Variants in NR3C2 observed in about 807,000 individuals in gnomAD.
NR3C2 encodes nuclear receptor subfamily 3 group C member 2.
A neutral mutation model predicts 86.4 loss-of-function variants in NR3C2; 15 were observed. The ratio of observed to expected loss-of-function variants is 0.17; its 90% CI spans 0.12 to 0.27. The LOEUF (loss-of-function observed/expected upper bound fraction) is 0.27. NR3C2 is among the 10% of genes least tolerant of loss of function. NR3C2 has a pLI of 1.00. For synonymous variants in NR3C2, 458 were observed against 450.5 expected (o/e 1.02, Z -0.21); for missense variants, 960 against 1,195.6 (o/e 0.80, Z 2.91).
intron 2 of NR3C2, among the ~76,000 whole-genome samples, chr4:148,323,700 T>G (rs6839999): frequency 3.1e-4 from 47 of 151,964 alleles, no homozygotes; most frequent in African/African-American, 1.1e-3. Flanking sequence ...TGACCCCTTG[T>G]GCTTCCCAAG....
intron 2 of NR3C2, among the ~76,000 whole-genome samples, chr4:148,389,278 A>C (rs1747420640): frequency 6.6e-6 from 1 of 152,044 alleles, no homozygotes; most frequent in Admixed American, 6.6e-5. Flanking sequence ...AAAAAAAGGG[A>C]CTCACTGCAG....
chr4:148,325,174 G>A (rs1743900289), intron 2 of NR3C2, among the ~76,000 whole-genome samples: 1 of 152,004 alleles, frequency 6.6e-6, no homozygotes, highest in African/African-American at 2.4e-5. Context: ...GTGTGGTGTG[G>A]GGAGAGTACA....
chr4:148,267,900 T>C lies in NR3C2; in HGVS notation c.1758-7783A>G, dbSNP rs1330259618. ...TACTTTAAAAAGCTCTTTGCTGCAT[T>C]TCCTTTTGTTTTGAAAGGCTTATAT... is the stretch of plus-strand genomic sequence containing the variant. On this transcript the variant is annotated intron_variant, in intron 2 of 8. Coordinates refer to ENST00000358102, the MANE Select transcript of NR3C2 (RefSeq NM_000901.5). Among the ~76,000 whole-genome samples, 4 of 152,146 alleles carry C rather than the reference T, an allele frequency of 2.6e-5. No homozygotes were observed. In the South Asian group the frequency reaches 8.3e-4, roughly 32 times the overall value.
chr4:148,388,491 C>T (rs567469544), intron 2 of NR3C2, among the ~76,000 whole-genome samples: 2 of 152,264 alleles, frequency 1.3e-5, no homozygotes, highest in South Asian at 2.1e-4. Flanking sequence ...GCCTTAGTCA[C>T]TCTCCTAAGT....
chr4:148,193,309 G>T (rs1042218910), intron 4 of NR3C2, among the ~76,000 whole-genome samples: 1 of 152,208 alleles, frequency 6.6e-6, no homozygotes, highest in Non-Finnish European at 1.5e-5. Context: ...TTCTGCAGTT[G>T]GGGCACTCAC....
chr4:148,105,303 C>G (rs1731743752), intron 8 of NR3C2, among the ~76,000 whole-genome samples: 1 of 152,150 alleles, frequency 6.6e-6, no homozygotes, highest in Admixed American at 6.5e-5. Flanking sequence ...TGGATACATT[C>G]CTGGACACAT....
chr4:148,181,526 T>C (rs1354349801), intron 4 of NR3C2, among the ~76,000 whole-genome samples: 1 of 152,220 alleles, frequency 6.6e-6, no homozygotes, highest in African/African-American at 2.4e-5. Flanking sequence ...TTTAGTGCTA[T>C]GCTTTACATA....
Position 148,435,307 on chromosome 4 carries a change from T to A in NR3C2, c.1554A>T (p.Ser518=). Residue 518 remains serine (S), a synonymous_variant, in exon 2 of 9, where the codon TCA becomes TCT. Coordinates refer to ENST00000358102, the MANE Select transcript of NR3C2 (RefSeq NM_000901.5). ...IPSSAIVGVN[S]GGQSFHYRIG... is the part of the protein sequence containing the mutation. ...TCCTGTAGTGGAAGGACTGTCCACC[T>A]GAATTCACCCCAACAATAGCAGAGG... 3 of 1,614,178 alleles carry A rather than the reference T, an allele frequency of 1.9e-6. No homozygotes were observed. Among genetic ancestry groups the A allele is most frequent in the Non-Finnish European group, 2.5e-6 (3 of 1,180,032 alleles).
At chr4:148,152,379 C>G (rs1435934646) in intron 6 of NR3C2, 90 bp downstream of exon 6, 1 of 1,419,350 alleles carries the variant, frequency 7.0e-7, no homozygotes, top group Non-Finnish European at 9.8e-7. Context: ...GATTCTTTCA[C>G]CAACGTACAT....
At chr4:148,393,895 C>T (rs1183705886) in intron 2 of NR3C2, among the ~76,000 whole-genome samples, 2 of 152,080 alleles carry the variant, frequency 1.3e-5, no homozygotes, top group South Asian at 2.1e-4. Flanking sequence ...TCCATAAAGA[C>T]GAGGGGTCTA....
intron 2 of NR3C2, among the ~76,000 whole-genome samples, chr4:148,415,115 T>C (rs964065416): frequency 1.3e-5 from 2 of 152,188 alleles, no homozygotes; most frequent in Non-Finnish European, 2.9e-5. Context: ...AACTTTGCCT[T>C]ATCTCACTAA....
At chr4:148,161,355 CT>C (rs1180190077) in intron 4 of NR3C2, among the ~76,000 whole-genome samples, 88 of 146,536 alleles carry the variant, frequency 6.0e-4, no homozygotes, top group Non-Finnish European at 7.4e-4. Context: ...ATATATTACA[CT>C]TTTTTTTTTT....
In NR3C2 at chr4:148,247,037, T is replaced by C. The variant is rs530718877; in HGVS notation, c.1897+12941A>G. ...AAATGTAATGTCAGGTCATCTTTGA[T>C]AGTTAAAAAAAGGATAAAGAGAAAA... On this transcript the variant is annotated intron_variant, in intron 3 of 8. Coordinates refer to ENST00000358102, the MANE Select transcript of NR3C2 (RefSeq NM_000901.5). Among the ~76,000 whole-genome samples the C allele has an allele frequency of 6.6e-5, 10 of 152,280 alleles. No individual in the cohort carries two copies. The East Asian group carries it at 1.9e-3, about 29-fold the overall frequency.
chr4:148,087,070 A>G (rs1203994257), intron 8 of NR3C2, among the ~76,000 whole-genome samples: 2 of 152,254 alleles, frequency 1.3e-5, no homozygotes, highest in Non-Finnish European at 2.9e-5. Flanking sequence ...AACTTCAGCA[A>G]AGTCTCAGGA....
intron 6 of NR3C2, among the ~76,000 whole-genome samples, chr4:148,144,451 C>T (rs1443803528): frequency 6.6e-6 from 1 of 152,122 alleles, no homozygotes; most frequent in Non-Finnish European, 1.5e-5. Context: ...CCTCAGCTTC[C>T]CAAAGTGCTG....
chr4:148,208,763 T>C, intron 3 of NR3C2: 1 of 152,242 alleles, frequency 6.6e-6, no homozygotes, highest in East Asian at 1.9e-4. Context: ...ATTCATATCC[T>C]AGGCCTTTCC....
intron 3 of NR3C2, among the ~76,000 whole-genome samples, chr4:148,221,060 G>A (rs72728410): frequency 3.2e-4 from 48 of 152,298 alleles, no homozygotes; most frequent in Non-Finnish European, 5.7e-4. Flanking sequence ...TTTCTGATGA[G>A]ATTATTGTTG....
chr4:148,179,459 C>T (rs1033704133), intron 4 of NR3C2, among the ~76,000 whole-genome samples: 5 of 151,668 alleles, frequency 3.3e-5, no homozygotes, highest in Admixed American at 6.6e-5. Flanking sequence ...TCCAACATCC[C>T]TGAATTTTAT....
intron 2 of NR3C2, among the ~76,000 whole-genome samples, chr4:148,316,124 C>T (rs116669477): frequency 1.3e-5 from 2 of 151,822 alleles, no homozygotes; most frequent in African/African-American, 2.4e-5. Flanking sequence ...TTTTTCATAT[C>T]GAAAATGCTT....
Sources: gnomAD v4.1 joint callset for allele counts (sites outside exome capture counted in the v4.1 genomes callset) on GRCh38, gnomAD v4.1.1 for gene constraint, MANE v1.5 for transcripts, NCBI Gene and HGNC (gene_info 2026-07-23, HGNC 2026-07-21) for gene names.